SMC3: variants seen among roughly 807,000 people sequenced by gnomAD.
The protein encoded by SMC3 is structural maintenance of chromosomes 3, also known as structural maintenance of chromosomes protein 3.
SMC3 carries 20 observed loss-of-function variants against 171.8 expected under a neutral mutation model. The observed-to-expected ratio is 0.12, with a 90% CI of 0.08 to 0.17. The LOEUF (loss-of-function observed/expected upper bound fraction) is 0.17, where lower values mean the gene tolerates loss of function less well. SMC3 is among the 10% of genes least tolerant of loss of function. The probability of loss-of-function intolerance (pLI) is 1.00; values close to 1 mark genes in which losing one functional copy is unlikely to be tolerated. For missense variants in SMC3, 543 were observed against 1,420.4 expected, an observed-to-expected ratio of 0.38 and a Z score of 9.93; for synonymous variants, 464 against 451.1, an observed-to-expected ratio of 1.03 and a Z score of -0.36.
chr10:110,599,658 G>A lies in SMC3; in HGVS notation c.2273G>A (p.Arg758His). 2 of 1,613,546 alleles carry A rather than the reference G, an allele frequency of 1.2e-6. No homozygotes were observed. Among genetic ancestry groups the A allele is most frequent in the African/African-American group, 1.3e-5 (1 of 75,046 alleles). The change falls in exon 21 of 29, where the codon CGT becomes CAT. Residue 758 changes from arginine (R) to histidine (H), a missense_variant. Physicochemically the swap from Arg to His is conservative, Grantham distance 29. Coordinates refer to ENST00000361804, the MANE Select transcript of SMC3 (RefSeq NM_005445.4). The part of the protein sequence containing the change: ...QSEKTFMPKQ[R>H]SLQSLEASLH... The stretch of plus-strand genomic sequence containing the variant: ...TAAATGGATAATGTCATATAGCAAC[G>A]TAGCTTACAGAGTTTGGAGGCAAGC...
At chr10:110,573,463 A>G (rs1302301776) in intron 2 of SMC3, among the ~76,000 whole-genome samples, 1 of 152,160 alleles carries the variant, frequency 6.6e-6, no homozygotes, top group Non-Finnish European at 1.5e-5. Context: ...ACTATTGGGT[A>G]AGAGCAAACG....
chr10:110,581,165 A>G (rs1311794976), intron 8 of SMC3, 144 bp downstream of exon 8: 11 of 682,006 alleles, frequency 1.6e-5, no homozygotes, highest in Non-Finnish European at 2.7e-5. Flanking sequence ...GAGAATCCAT[A>G]ACACCAATGA....
rs750381922 is a variant in SMC3 at position 110,604,248 on chromosome 10, G to T, written c.3600G>T (p.Val1200=). ...KFRNKVSHID[V]ITAEMAKDFV... is the part of the protein sequence containing the mutation. ...TTCTTCAGGTTAGTCATATTGATGTGATCACAGCAGAGATGGCCAAAGACT... is the reference window on the plus strand; with the variant it reads ...TTCTTCAGGTTAGTCATATTGATGTTATCACAGCAGAGATGGCCAAAGACT... Residue 1200 remains valine, a synonymous_variant, in exon 29 of 29, where the codon GTG becomes GTT. Transcript: ENST00000361804. 8.1e-6 allele frequency: 13 copies of T among 1,610,740 alleles called. No individual in the cohort carries two copies. The Admixed American group carries it at 2.2e-4, about 27-fold the overall frequency.
At chr10:110,604,187 C>G (rs941710862) in intron 28 of SMC3, 44 bp from the exon 29 acceptor site, 5 of 1,174,804 alleles carry the variant, frequency 4.3e-6, no homozygotes, top group Non-Finnish European at 6.4e-6. Flanking sequence ...AATGTAAACA[C>G]TGATGTAATT....
At chr10:110,576,927 C>A (rs1860959266) in intron 4 of SMC3, among the ~76,000 whole-genome samples, 1 of 152,018 alleles carries the variant, frequency 6.6e-6, no homozygotes, top group South Asian at 2.1e-4. Flanking sequence ...TCTTAAAAAA[C>A]AGACTTTTGG....
rs75196858 is a variant in SMC3 at position 110,582,451 on chromosome 10, A to G, written c.724-111A>G. On this transcript the variant is annotated intron_variant, in intron 9 of 28. Transcript: ENST00000361804. ...ATCATTTTTAAAATTTTTGTAGAAA[A>G]TTTGAGCAGTTACTTTTGGTTTATT... The G allele has an allele frequency of 3.1e-3, 2,432 of 786,472 alleles. 37 individuals are homozygous for G. In the African/African-American group the frequency reaches 0.038, roughly 12 times the overall value. 48.7% of individuals were successfully genotyped at this position (786,472 alleles called of 1,614,324 possible).
At chr10:110,603,443 A>G (rs560891294) in intron 28 of SMC3, among the ~76,000 whole-genome samples, 153 bp downstream of exon 28, 2 of 151,288 alleles carry the variant, frequency 1.3e-5, no homozygotes, top group East Asian at 1.9e-4. Context: ...TCAAATAACT[A>G]TGAAGTTTAG....
chr10:110,594,100 A>T (rs1198134291), intron 18 of SMC3, among the ~76,000 whole-genome samples: 20 of 6,708 alleles, frequency 3.0e-3, no homozygotes, highest in African/African-American at 6.3e-3. Flanking sequence ...TGTCTCTGAA[A>T]TGTGATCATA....
chr10:110,595,170 G>A (rs989673168), intron 18 of SMC3, among the ~76,000 whole-genome samples: 1 of 151,878 alleles, frequency 6.6e-6, no homozygotes, highest in African/African-American at 2.4e-5. Context: ...AGTAGAGACG[G>A]GGTTTCTCTA....
rs993737986 is a variant in SMC3 at position 110,584,210 on chromosome 10, G to A, written c.1119G>A (p.Thr373=). The stretch of plus-strand genomic sequence containing the variant: ...TGGCTCAAGCTACCCAGGAAAGAAC[G>A]GATCTTTATGCAAAGCAGGGTCGAG... ...ARLAQATQER[T]DLYAKQGRGS... is the part of the protein sequence containing the mutation. The change falls in exon 13 of 29, where the codon ACG becomes ACA. Residue 373 remains threonine, a synonymous_variant. Transcript: ENST00000361804. 8 of 1,612,744 alleles carry A rather than the reference G, an allele frequency of 5.0e-6. No homozygotes were observed. The highest frequency in any genetic ancestry group is 5.9e-6 in the Non-Finnish European group (7 of 1,179,598).
intron 13 of SMC3, among the ~76,000 whole-genome samples, chr10:110,585,212 T>G (rs1861090863): frequency 6.6e-6 from 1 of 151,810 alleles, no homozygotes; most frequent in Non-Finnish European, 1.5e-5. Context: ...ACTCCCAACC[T>G]CAGGTGATCT....
intron 18 of SMC3, among the ~76,000 whole-genome samples, chr10:110,594,784 C>T (rs1861270608): frequency 6.7e-6 from 1 of 149,740 alleles, no homozygotes; most frequent in African/African-American, 2.6e-5. Flanking sequence ...ATAAGTAAAA[C>T]ATCATGTCAT....
chr10:110,596,098 T>G (rs1330849365), intron 18 of SMC3, among the ~76,000 whole-genome samples: 1 of 151,548 alleles, frequency 6.6e-6, no homozygotes, highest in Non-Finnish European at 1.5e-5. Flanking sequence ...GGTGCACACC[T>G]GTAGTCCTAG....
chr10:110,579,951 C>A (rs531074619), intron 7 of SMC3, among the ~76,000 whole-genome samples: 19 of 152,244 alleles, frequency 1.2e-4, no homozygotes, highest in Non-Finnish European at 2.5e-4. Context: ...ATATTTAAAG[C>A]ATACCATTTT....
At chr10:110,598,328 C>G (rs200552169) in intron 20 of SMC3, 38 bp downstream of exon 20, 1 of 1,573,412 alleles carries the variant, frequency 6.4e-7, no homozygotes, top group Non-Finnish European at 8.7e-7. Context: ...TCGATTGTTA[C>G]AGATTAATAA....
intron 3 of SMC3, among the ~76,000 whole-genome samples, 181 bp from the exon 4 acceptor site, chr10:110,575,155 C>G (rs1860928601): frequency 6.6e-6 from 1 of 152,140 alleles, no homozygotes; most frequent in Non-Finnish European, 1.5e-5. Context: ...TATATCATTT[C>G]CTACCTGATT....
At chr10:110,572,817 C>A (rs929718085) in intron 2 of SMC3, among the ~76,000 whole-genome samples, 1 of 151,992 alleles carries the variant, frequency 6.6e-6, no homozygotes, top group Non-Finnish European at 1.5e-5. Flanking sequence ...TTTGGTAATT[C>A]TCCTCCTTCC....
chr10:110,577,952 T>A, intron 6 of SMC3, 38 bp downstream of exon 6: 2 of 1,374,790 alleles, frequency 1.5e-6, no homozygotes, highest in Non-Finnish European at 2.1e-6. Flanking sequence ...ACTGAATATG[T>A]ACTTAAATAG....
intron 18 of SMC3, among the ~76,000 whole-genome samples, chr10:110,594,897 A>G (rs1861272717): frequency 6.6e-6 from 1 of 152,174 alleles, no homozygotes; most frequent in Non-Finnish European, 1.5e-5. Context: ...TTAACCTAAT[A>G]TCCTCTAAAA....
Sources: gnomAD v4.1 joint callset for allele counts (sites outside exome capture counted in the v4.1 genomes callset) on GRCh38, gnomAD v4.1.1 for gene constraint, MANE v1.5 for transcripts, NCBI Gene and HGNC (gene_info 2026-07-23, HGNC 2026-07-21) for gene names.